The following SERAC1 variants were observed in gnomAD, a reference collection of about 807,000 sequenced individuals.
SERAC1 encodes the protein protein SERAC1.
Under a neutral mutation model 85.7 loss-of-function variants are expected in SERAC1, and 36 were observed. The ratio of observed to expected loss-of-function variants is 0.42; its 90% CI spans 0.32 to 0.55. The LOEUF (loss-of-function observed/expected upper bound fraction) is 0.55, where lower values mean the gene tolerates loss of function less well. Among genes scored for constraint, SERAC1 ranks in the 20% least tolerant of loss-of-function variants. The probability of loss-of-function intolerance (pLI) is 0.11; values close to 1 mark genes in which losing one functional copy is unlikely to be tolerated. For missense variants in SERAC1, 629 were observed against 796.2 expected (o/e 0.79, Z 2.53); for synonymous variants, 242 against 265.3 (o/e 0.91, Z 0.85).
In SERAC1 at chr6:158,117,186, C is replaced by A; in HGVS notation, c.1403+541G>T. 4.2e-6 allele frequency: 1 copy of A among 239,342 alleles called. No homozygotes were observed. Among genetic ancestry groups the A allele is most frequent in the Non-Finnish European group, 8.1e-6 (1 of 123,390 alleles). The allele number at this position is 239,342 out of a possible 1,614,324, so 14.8% of individuals were successfully genotyped here. On this transcript the variant is annotated intron_variant, in intron 13 of 16. Transcript: ENST00000647468. This position sits in a 1 kb window ranked among gnomAD's most constrained non-coding sequence, Gnocchi z 4.3. ...GTTTGATAACACTGATTTAGACCAA[C>A]TCTGTCAATCTGTAGACAAAGCTTC...
Position 158,128,284 on chromosome 6 carries a change from T to C in SERAC1, c.853-14A>G. ...ATGTGTGGATATCTGGCACAATAAA[T>C]AAACAGAAGCTCCCTTGACATTGTA... On this transcript the variant is annotated splice_polypyrimidine_tract_variant and intron_variant, in intron 9 of 16. Coordinates refer to ENST00000647468, the MANE Select transcript of SERAC1 (RefSeq NM_032861.4). 1 of 1,612,630 alleles carries C rather than the reference T, an allele frequency of 6.2e-7. No homozygotes were observed. Among genetic ancestry groups the C allele is most frequent in the Non-Finnish European group, 8.5e-7 (1 of 1,179,404 alleles).
Position 158,116,322 on chromosome 6 carries a change from C to T in SERAC1, c.1404-40G>A, listed in dbSNP as rs562582686. On this transcript the variant is annotated intron_variant, in intron 13 of 16. Transcript: ENST00000647468. ...AACAGCAGGCATGACACAAGGCTAT[C>T]GATCCCCTCAATTTGCTGTCTAATT... is the stretch of plus-strand genomic sequence containing the variant. 18 of 1,506,860 alleles carry T rather than the reference C, an allele frequency of 1.2e-5. No homozygotes were observed. The Admixed American group carries it at 2.3e-4, about 20-fold the overall frequency. 93.3% of individuals were successfully genotyped at this position (1,506,860 alleles called of 1,614,324 possible).
rs1463595279 is a variant in SERAC1 at position 158,119,626 on chromosome 6, G to T, written c.1167-456C>A. Among the ~76,000 whole-genome samples, 1 of 152,084 alleles carries T rather than the reference G, an allele frequency of 6.6e-6. No homozygotes were observed. Among genetic ancestry groups the T allele is most frequent in the Non-Finnish European group, 1.5e-5 (1 of 68,008 alleles). ...AATACTTATAAAATGAGATTTCAAA[G>T]TAACATTCACTCATTGCATATGACG... On this transcript the variant is annotated intron_variant, in intron 11 of 16. Transcript: ENST00000647468. This position sits in a 1 kb window ranked among gnomAD's most constrained non-coding sequence, Gnocchi z 4.5.
At position 158,144,332 on chromosome 6, in the gene SERAC1, A is replaced by G. The variant is rs753498181; in HGVS notation, c.576T>C (p.Phe192=). Residue 192 remains phenylalanine (F), a synonymous_variant, in exon 7 of 17, where the codon TTT becomes TTC. Transcript: ENST00000647468. ...ARSEESDLRF[F]LLPPPLPSLK... ...AAGATGGCAAAGGAGGTGGTAGGAG[A>G]AAAAAGCGAAGATCACTCTCTTCGC... The G allele has an allele frequency of 1.2e-6, 2 of 1,612,792 alleles. No individual in the cohort carries two copies. Among genetic ancestry groups the G allele is most frequent in the Non-Finnish European group, 1.7e-6 (2 of 1,179,116 alleles).
chr6:158,132,015 G>A (rs1482388503), intron 8 of SERAC1, among the ~76,000 whole-genome samples: 1 of 152,020 alleles, frequency 6.6e-6, no homozygotes, highest in Non-Finnish European at 1.5e-5. Context: ...GAGAGAGAGA[G>A]TGTGTGTGTT....
intron 8 of SERAC1, among the ~76,000 whole-genome samples, chr6:158,140,622 G>A (rs931222350): frequency 6.6e-6 from 1 of 152,210 alleles, no homozygotes; most frequent in African/African-American, 2.4e-5. Flanking sequence ...AACCCAAGGT[G>A]GGGGTCATGG....
chr6:158,146,512 C>T (rs1027579389), intron 6 of SERAC1: 1 of 254,646 alleles, frequency 3.9e-6, no homozygotes, highest in Admixed American at 5.5e-5. Context: ...GGGTTCACGC[C>T]ATTCTCCTGC....
intron 3 of SERAC1, 122 bp downstream of exon 3, chr6:158,155,193 C>A (rs1034123545): frequency 1.6e-6 from 1 of 633,358 alleles, no homozygotes; most frequent in Non-Finnish European, 2.8e-6. Flanking sequence ...GTGATTAAAT[C>A]CACCAGTCTA....
intron 8 of SERAC1, among the ~76,000 whole-genome samples, chr6:158,134,845 G>A (rs1332227240): frequency 1.3e-5 from 2 of 151,992 alleles, no homozygotes; most frequent in African/African-American, 2.4e-5. Context: ...TCCTAAAATC[G>A]TGTATTAATT....
At chr6:158,114,648 CA>C in intron 15 of SERAC1, 140 bp downstream of exon 15, 1 of 992,296 alleles carries the variant, frequency 1.0e-6, no homozygotes, top group Non-Finnish European at 1.2e-6. Flanking sequence ...AAGCCCAACC[CA>C]AAATTTCCAT....
intron 8 of SERAC1, among the ~76,000 whole-genome samples, chr6:158,137,267 T>C (rs1255813323): frequency 6.6e-6 from 1 of 151,982 alleles, no homozygotes; most frequent in Non-Finnish European, 1.5e-5. Context: ...ATGCTACCTC[T>C]TGTTTAAAAA....
intron 4 of SERAC1, 118 bp from the exon 5 acceptor site, chr6:158,149,072 C>G (rs1350604762): frequency 2.1e-5 from 14 of 657,474 alleles, no homozygotes; most frequent in Non-Finnish European, 9.9e-6. Flanking sequence ...TCACTGCAAG[C>G]TCTGCCTCCC....
intron 6 of SERAC1, among the ~76,000 whole-genome samples, chr6:158,145,522 C>CTTT (rs770977567): frequency 2.3e-5 from 3 of 129,196 alleles, no homozygotes; most frequent in Non-Finnish European, 5.0e-5. Flanking sequence ...GAGAATTTTT[C>CTTT]TTTTTTTTTT....
chr6:158,166,181 A>C (rs1170058353), intron 1 of SERAC1: 1 of 152,220 alleles, frequency 6.6e-6, no homozygotes, highest in African/African-American at 2.4e-5. Flanking sequence ...GAAAGTAAGA[A>C]TCTAATCCTG....
intron 15 of SERAC1, among the ~76,000 whole-genome samples, 195 bp from the exon 16 acceptor site, chr6:158,113,787 C>G (rs778040905): frequency 6.6e-6 from 1 of 152,138 alleles, no homozygotes; most frequent in Non-Finnish European, 1.5e-5. Context: ...ATCGACAGGA[C>G]AGTCAGCAGC....
At chr6:158,167,266 C>T (rs1380283050) in intron 1 of SERAC1, among the ~76,000 whole-genome samples, 2 of 141,334 alleles carry the variant, frequency 1.4e-5, no homozygotes, top group South Asian at 4.6e-4. Context: ...AGGTCGGGCG[C>T]GGTGGCTCAC....
Position 158,110,081 on chromosome 6 carries a change from G to C in SERAC1, c.*1285C>G, listed in dbSNP as rs924303764. ...AATAGCAATGATGTTGCACAACTCA[G>C]TGAACTATACTAAAAACCAATGAAT... is the stretch of plus-strand genomic sequence containing the variant. On this transcript the variant is annotated 3_prime_UTR_variant, in exon 17 of 17. Coordinates refer to ENST00000647468, the MANE Select transcript of SERAC1 (RefSeq NM_032861.4). 1 of 152,214 alleles carries C rather than the reference G, an allele frequency of 6.6e-6. No individual in the cohort carries two copies. Among genetic ancestry groups the C allele is most frequent in the African/African-American group, 2.4e-5 (1 of 41,444 alleles). The allele number at this position is 152,214 out of a possible 1,614,324, so 9.4% of individuals were successfully genotyped here.
intron 1 of SERAC1, chr6:158,158,627 G>C (rs2128424947): frequency 3.3e-6 from 1 of 299,464 alleles, no homozygotes; most frequent in South Asian, 5.4e-5. Flanking sequence ...TTGGAAAGAT[G>C]ATCTAAATAT....
At position 158,128,296 on chromosome 6, in the gene SERAC1, C is replaced by A. The variant is rs1280384950; in HGVS notation, c.853-26G>T. 4 of 1,610,480 alleles carry A rather than the reference C, an allele frequency of 2.5e-6. No individual in the cohort carries two copies. The African/African-American group carries it at 5.4e-5, about 22-fold the overall frequency. On this transcript the variant is annotated intron_variant, in intron 9 of 16. Transcript: ENST00000647468. Reference sequence around the variant, plus strand: ...CTGGCACAATAAATAAACAGAAGCTCCCTTGACATTGTACAAATTCATGAC... The same window carrying A: ...CTGGCACAATAAATAAACAGAAGCTACCTTGACATTGTACAAATTCATGAC...
Sources: gnomAD v4.1 joint callset for allele counts (sites outside exome capture counted in the v4.1 genomes callset) on GRCh38, gnomAD v4.1.1 for gene constraint, Gnocchi (gnomAD v3.1) non-coding constraint, MANE v1.5 for transcripts, NCBI Gene and HGNC (gene_info 2026-07-23, HGNC 2026-07-21) for gene names.